The following PTH2R variants were observed in gnomAD, a reference collection of about 807,000 sequenced individuals.
The protein encoded by PTH2R is parathyroid hormone 2 receptor.
PTH2R carries 59 observed loss-of-function variants against 60.3 expected under a neutral mutation model. The ratio of observed to expected loss-of-function variants is 0.98; its 90% confidence interval spans 0.79 to 1.22. The LOEUF (loss-of-function observed/expected upper bound fraction) is 1.22. Ranked by LOEUF, PTH2R falls within the 50% of genes most tolerant of loss-of-function variation. The probability of loss-of-function intolerance (pLI) is 0.00; values close to 1 mark genes in which losing one functional copy is unlikely to be tolerated. For synonymous variants in PTH2R, 256 were observed against 243.8 expected, an observed-to-expected ratio of 1.05 and a Z score of -0.47; for missense variants, 749 against 682.6, an observed-to-expected ratio of 1.10 and a Z score of -1.08.
chr2:208,488,915 C>G (rs921041706), intron 10 of PTH2R, 97 bp from the exon 11 acceptor site: 1 of 1,263,220 alleles, frequency 7.9e-7, no homozygotes, highest in Non-Finnish European at 1.1e-6. Flanking sequence ...AGCCCCACCC[C>G]CATTAGCTCT....
At chr2:208,390,690 T>G (rs186868875) in intron 1 of PTH2R, among the ~76,000 whole-genome samples, 8 of 152,346 alleles carry the variant, frequency 5.3e-5, no homozygotes, top group Admixed American at 5.2e-4. Flanking sequence ...CTGTCTGATT[T>G]TCCACCCTGA....
intron 1 of PTH2R, among the ~76,000 whole-genome samples, chr2:208,392,733 A>C (rs1463410086): frequency 6.6e-6 from 1 of 152,192 alleles, no homozygotes; most frequent in Non-Finnish European, 1.5e-5. Flanking sequence ...GAAGGCCTGG[A>C]TTACAGAGGA....
chr2:208,415,953 C>G (rs1559213096), intron 1 of PTH2R, among the ~76,000 whole-genome samples: 1 of 152,072 alleles, frequency 6.6e-6, no homozygotes, highest in South Asian at 2.1e-4. Flanking sequence ...AAACTACTTA[C>G]CTTTTGAAAA....
At chr2:208,386,207 G>C (rs1185215550) in intron 1 of PTH2R, among the ~76,000 whole-genome samples, 1 of 152,168 alleles carries the variant, frequency 6.6e-6, no homozygotes, top group Admixed American at 6.5e-5. Flanking sequence ...ATCATTTTAA[G>C]CTCTGAGGAG....
chr2:208,467,452 A>G (rs1276009820), intron 9 of PTH2R, among the ~76,000 whole-genome samples: 1 of 152,206 alleles, frequency 6.6e-6, no homozygotes, highest in African/African-American at 2.4e-5. Flanking sequence ...TTGCAAAGAG[A>G]AAGAAATCTC....
At position 208,416,363 on chromosome 2, in the gene PTH2R, C is replaced by A. The variant is rs189637132; in HGVS notation, c.75+9245C>A. Among the ~76,000 whole-genome samples, 21 of 152,266 alleles carry A rather than the reference C, an allele frequency of 1.4e-4. No homozygotes were observed. The East Asian group carries it at 2.1e-3, about 15-fold the overall frequency. On this transcript the variant is annotated intron_variant, in intron 1 of 12. Transcript: ENST00000272847. ...CTTTGTAGGAAATATTTGAATATAT[C>A]ATGTGTTATTGAACCAATAATGTCA... is the stretch of plus-strand genomic sequence containing the variant.
intron 7 of PTH2R, among the ~76,000 whole-genome samples, chr2:208,447,909 C>T (rs1264035467): frequency 2.0e-5 from 3 of 152,054 alleles, no homozygotes; most frequent in Non-Finnish European, 4.4e-5. Context: ...ACATTTTCCT[C>T]TATTTTAATT....
At chr2:208,393,913 G>T (rs1701155704) in intron 1 of PTH2R, among the ~76,000 whole-genome samples, 1 of 152,166 alleles carries the variant, frequency 6.6e-6, no homozygotes, top group African/African-American at 2.4e-5. Flanking sequence ...TGGAGGAGTG[G>T]ATGGTATGAT....
intron 9 of PTH2R, among the ~76,000 whole-genome samples, chr2:208,474,606 G>A (rs1000471498): frequency 6.6e-6 from 1 of 152,230 alleles, no homozygotes; most frequent in African/African-American, 2.4e-5. Context: ...AAGGAACAAT[G>A]CATCTGCAGA....
rs141872734 is a variant in PTH2R at position 208,397,495 on chromosome 2, C to T, written c.-258-30706C>T. 3.6e-3 allele frequency among the ~76,000 whole-genome samples: 542 copies of T among 152,192 alleles called. 3 individuals carry two copies. The highest frequency in any genetic ancestry group is 0.012 in the African/African-American group (512 of 41,502). Reference sequence around the variant, plus strand: ...CGGTTTGAATAAAACGACACAGACACATGTGGAGTGGCTTTAGGGAGTGGA... The same window carrying T: ...CGGTTTGAATAAAACGACACAGACATATGTGGAGTGGCTTTAGGGAGTGGA... On this transcript the variant is annotated intron_variant, in intron 1 of 12. Coordinates refer to the PTH2R transcript ENST00000617735.
At chr2:208,403,816 GTGGTTAGGATTGA>G (rs1479016108), upstream of PTH2R, among the ~76,000 whole-genome samples, 23 of 152,198 alleles carry the variant, frequency 1.5e-4, no homozygotes, top group African/African-American at 4.3e-4. Flanking sequence ...GCCTGGAACA[GTGGTTAGGATTGA>G]GACCTGAGAT....
chr2:208,483,893 T>C (rs1049854060), intron 10 of PTH2R, among the ~76,000 whole-genome samples: 3 of 152,214 alleles, frequency 2.0e-5, no homozygotes, highest in Admixed American at 2.0e-4. Context: ...TTCAATTCCA[T>C]ATTCTGTTTC....
intron 10 of PTH2R, 80 bp from the exon 11 acceptor site, chr2:208,488,931 GT>G (rs11335842): frequency 0.65 from 919,611 of 1,404,350 alleles, 300,355 homozygotes; most frequent in Admixed American, 0.73. Flanking sequence ...GCTCTGCTAA[GT>G]TTTTTTTTTC....
intron 10 of PTH2R, among the ~76,000 whole-genome samples, chr2:208,487,455 C>T (rs1229345781): frequency 6.6e-6 from 1 of 152,056 alleles, no homozygotes; most frequent in African/African-American, 2.4e-5. Flanking sequence ...GAGATATTTG[C>T]AATAATTATG....
intron 1 of PTH2R, among the ~76,000 whole-genome samples, chr2:208,375,823 A>G (rs1389577532): frequency 1.3e-5 from 2 of 152,116 alleles, no homozygotes; most frequent in Non-Finnish European, 2.9e-5. Flanking sequence ...AGGAACTGAC[A>G]GGGAAGCTGG....
Position 208,494,434 on chromosome 2 carries a change from T to C in PTH2R, c.*775T>C, listed in dbSNP as rs1293620310. The C allele has an allele frequency of 1.3e-5, 2 of 152,260 alleles. No individual in the cohort carries two copies. The highest frequency in any genetic ancestry group is 4.8e-5 in the African/African-American group (2 of 41,474). 9.4% of individuals were successfully genotyped at this position (152,260 alleles called of 1,614,324 possible). On this transcript the variant is annotated 3_prime_UTR_variant, in exon 13 of 13. Coordinates refer to ENST00000272847, the MANE Select transcript of PTH2R (RefSeq NM_005048.4). ...GATAGCAAATCATGCTGCATCTATA[T>C]CTTTTTCTTGTTTGAGCTGTTACTA...
chr2:208,409,449 T>C (rs1354504419), intron 1 of PTH2R, among the ~76,000 whole-genome samples: 1 of 152,234 alleles, frequency 6.6e-6, no homozygotes, highest in Non-Finnish European at 1.5e-5. Context: ...AGCTTAAGTA[T>C]GAGAGACAAG....
At chr2:208,462,062 A>G (rs1158771117) in intron 9 of PTH2R, among the ~76,000 whole-genome samples, 1 of 152,218 alleles carries the variant, frequency 6.6e-6, no homozygotes, top group African/African-American at 2.4e-5. Context: ...GAGACTCAAG[A>G]ATATCTTTCT....
At chr2:208,456,417 G>A (rs753050081) in intron 8 of PTH2R, among the ~76,000 whole-genome samples, 15 of 152,186 alleles carry the variant, frequency 9.9e-5, no homozygotes, top group Non-Finnish European at 1.8e-4. Context: ...GATAAGAGAT[G>A]CCAATGAGAG....
Sources: gnomAD v4.1 joint callset for allele counts (sites outside exome capture counted in the v4.1 genomes callset) on GRCh38, gnomAD v4.1.1 for gene constraint, MANE v1.5 for transcripts, NCBI Gene and HGNC (gene_info 2026-07-23, HGNC 2026-07-21) for gene names.